The following WT1 variants were observed in gnomAD, a reference collection of about 807,000 sequenced individuals.
The protein encoded by WT1 is Wilms tumor protein.
Under a neutral mutation model 60.8 loss-of-function variants are expected in WT1, and 8 were observed. The ratio of observed to expected loss-of-function variants is 0.13; its 90% CI spans 0.08 to 0.24. WT1 has a LOEUF of 0.24. Among genes scored for constraint, WT1 ranks in the 10% least tolerant of loss-of-function variants. The probability of loss-of-function intolerance (pLI) is 1.00; values close to 1 mark genes in which losing one functional copy is unlikely to be tolerated. For synonymous variants in WT1, 312 were observed against 297.1 expected (o/e 1.05, Z -0.52); for missense variants, 568 against 711.8 (o/e 0.80, Z 2.30).
chr11:32,410,961 T>TGGTGAGTAGA (rs1286839532), intron 5 of WT1, among the ~76,000 whole-genome samples: 2 of 152,098 alleles, frequency 1.3e-5, no homozygotes, highest in African/African-American at 4.8e-5. Context: ...GAAGGATAAA[T>TGGTGAGTAGA]GGTGAGTAGA....
At chr11:32,407,355 G>A (rs1004682036) in intron 5 of WT1, among the ~76,000 whole-genome samples, 1 of 152,154 alleles carries the variant, frequency 6.6e-6, no homozygotes, top group African/African-American at 2.4e-5. Flanking sequence ...AAAAGGAATT[G>A]AGGTTTTACA....
At chr11:32,409,301 G>T (rs550897188) in intron 5 of WT1, among the ~76,000 whole-genome samples, 2 of 152,072 alleles carry the variant, frequency 1.3e-5, no homozygotes, top group African/African-American at 4.8e-5. Context: ...TGATCGAAAA[G>T]TCAAAAACTT....
chr11:32,433,384 G>C (rs942272312), intron 1 of WT1, among the ~76,000 whole-genome samples: 5 of 152,234 alleles, frequency 3.3e-5, no homozygotes. Context: ...GGGTGCTCCT[G>C]GTTAGGCTAA....
At chr11:32,413,522 G>C (rs1852567671) in intron 5 of WT1, among the ~76,000 whole-genome samples, 1 of 152,144 alleles carries the variant, frequency 6.6e-6, no homozygotes. Context: ...TCCAGTTCTG[G>C]GCTGTTCATG....
At chr11:32,390,119 C>T (rs1331744225) in intron 9 of WT1, among the ~76,000 whole-genome samples, 1 of 152,186 alleles carries the variant, frequency 6.6e-6, no homozygotes, top group African/African-American at 2.4e-5. Context: ...TTCCCTGTAT[C>T]ACACCTCCCA....
chr11:32,391,915 A>G (rs1010861966), intron 9 of WT1, 57 bp downstream of exon 9: 2 of 1,555,016 alleles, frequency 1.3e-6, no homozygotes, highest in African/African-American at 2.7e-5. Context: ...TCACAATTTC[A>G]TTCCACAATA....
intron 5 of WT1, among the ~76,000 whole-genome samples, chr11:32,415,193 G>C (rs1852626151): frequency 6.6e-6 from 1 of 152,164 alleles, no homozygotes; most frequent in Non-Finnish European, 1.5e-5. Flanking sequence ...AGAAGTTTTT[G>C]AAACTGAAAT....
intron 5 of WT1, among the ~76,000 whole-genome samples, chr11:32,402,091 C>T (rs1316380012): frequency 6.6e-6 from 1 of 152,042 alleles, no homozygotes; most frequent in Non-Finnish European, 1.5e-5. Flanking sequence ...GAAATGTCCA[C>T]ACCCCCTAGG....
rs372147342 is a variant in WT1, at chr11:32,408,445, G to A, written c.1016+8045C>T. On this transcript the variant is annotated intron_variant, in intron 5 of 9. Coordinates refer to ENST00000452863, the MANE Select transcript of WT1 (RefSeq NM_024426.6). Reference sequence around the variant, plus strand: ...CAGGAGAATCACTTGAACCCAGGAGGTGGAGGTTGCGGTGAGCCAAGATTG... The same window carrying A: ...CAGGAGAATCACTTGAACCCAGGAGATGGAGGTTGCGGTGAGCCAAGATTG... Among the ~76,000 whole-genome samples the A allele has an allele frequency of 2.7e-5, 4 of 148,546 alleles. No homozygotes were observed. The East Asian group carries it at 7.9e-4, about 29-fold the overall frequency.
At position 32,435,073 on chromosome 11, in the gene WT1, G is replaced by C. The variant is rs1853463255; in HGVS notation, c.288C>G (p.Gly96=). The change falls in exon 1 of 10, where the codon GGC becomes GGG. Residue 96 remains glycine (G), a synonymous_variant. Transcript: ENST00000452863. Reference sequence around the variant, plus strand: ...CCGCGCCGCTCACAGGCAGGGCACAGCCGCCGCCGCCACCCAGGGAGGGGA... The same window carrying C: ...CCGCGCCGCTCACAGGCAGGGCACACCCGCCGCCGCCACCCAGGGAGGGGA... The C allele has an allele frequency of 6.7e-7, 1 of 1,483,082 alleles. No homozygotes were observed. The highest frequency in any genetic ancestry group is 8.9e-7 in the Non-Finnish European group (1 of 1,126,254). The allele number at this position is 1,483,082 out of a possible 1,614,324, so 91.9% of individuals were successfully genotyped here. A position where few individuals can be genotyped will look rare whatever the true frequency, so the allele number is the denominator to read the frequency against.
chr11:32,407,251 A>AG (rs1215090490), intron 5 of WT1, among the ~76,000 whole-genome samples: 1 of 152,138 alleles, frequency 6.6e-6, no homozygotes, highest in Admixed American at 6.5e-5. Flanking sequence ...AAACAAAAAA[A>AG]CAAAAAAACA....
intron 5 of WT1, among the ~76,000 whole-genome samples, chr11:32,404,588 C>G (rs144882289): frequency 5.8e-4 from 89 of 152,262 alleles, no homozygotes; most frequent in African/African-American, 2.0e-3. Flanking sequence ...CACTCTCCAA[C>G]TTGACAAAGA....
intron 6 of WT1, among the ~76,000 whole-genome samples, chr11:32,399,049 G>A (rs963976742): frequency 6.0e-5 from 9 of 151,222 alleles, no homozygotes; most frequent in Non-Finnish European, 1.3e-4. Context: ...CCAGCTACTC[G>A]GGAGGCTGAG....
chr11:32,402,065 G>A (rs1852174548), intron 5 of WT1, among the ~76,000 whole-genome samples: 2 of 152,288 alleles, frequency 1.3e-5, no homozygotes, highest in Non-Finnish European at 2.9e-5. Flanking sequence ...AGGAAAGAGT[G>A]TCTGCCAGGA....
At chr11:32,408,874 TA>T (rs767545841) in intron 5 of WT1, among the ~76,000 whole-genome samples, 36 of 152,356 alleles carry the variant, frequency 2.4e-4, no homozygotes, top group Non-Finnish European at 4.3e-4. Context: ...ACTCTGTACT[TA>T]CTGTGTACTC....
chr11:32,428,366 G>C, intron 2 of WT1, 131 bp downstream of exon 2: 2 of 1,471,428 alleles, frequency 1.4e-6, no homozygotes, highest in South Asian at 2.4e-5. Flanking sequence ...CAGTGCCATT[G>C]GGGTAATGAT....
At chr11:32,389,464 A>G (rs1026168070) in intron 9 of WT1, among the ~76,000 whole-genome samples, 3 of 152,250 alleles carry the variant, frequency 2.0e-5, no homozygotes, top group Non-Finnish European at 4.4e-5. Flanking sequence ...TGAGCAATTC[A>G]TAATTAAGGG....
At chr11:32,430,783 A>T (rs924627300) in intron 1 of WT1, 1 of 1,316,600 alleles carries the variant, frequency 7.6e-7, no homozygotes, top group Admixed American at 3.3e-5. Context: ...CCTCTCCTTC[A>T]GGTCCCCCCG....
At position 32,435,205 on chromosome 11, in the gene WT1, C is replaced by T. The variant is rs1565002339; in HGVS notation, c.156G>A (p.Glu52=). The change falls in exon 1 of 10, where the codon GAG becomes GAA. Residue 52 remains glutamate, a synonymous_variant. Transcript: ENST00000452863. ...GGCCCTGGAGACGTTCAGCGCTGGC[C>T]TCGGCGGCGCCTAACTTGGCCCAGA... 6.5e-7 allele frequency: 1 copy of T among 1,532,312 alleles called. No homozygotes were observed. Among genetic ancestry groups the T allele is most frequent in the South Asian group, 1.2e-5 (1 of 83,878 alleles). 94.9% of individuals were successfully genotyped at this position (1,532,312 alleles called of 1,614,324 possible). A position where few individuals can be genotyped will look rare whatever the true frequency, so the allele number is the denominator to read the frequency against.
Sources: gnomAD v4.1 joint callset for allele counts (sites outside exome capture counted in the v4.1 genomes callset) on GRCh38, gnomAD v4.1.1 for gene constraint, MANE v1.5 for transcripts, NCBI Gene and HGNC (gene_info 2026-07-23, HGNC 2026-07-21) for gene names.